The following PLXDC2 variants were observed in gnomAD, a reference collection of about 807,000 sequenced individuals.
The protein encoded by PLXDC2 is plexin domain containing 2.
PLXDC2 carries 40 observed loss-of-function variants against 68.9 expected under a neutral mutation model. That is an observed-to-expected ratio of 0.58 (90% CI 0.45 to 0.76). PLXDC2 has a LOEUF of 0.76. Among genes scored for constraint, PLXDC2 ranks in the 30% least tolerant of loss-of-function variants. The pLI is 0.00. For missense variants in PLXDC2, 644 were observed against 661.9 expected, an observed-to-expected ratio of 0.97 and a Z score of 0.30; for synonymous variants, 243 against 234.2, an observed-to-expected ratio of 1.04 and a Z score of -0.34.
chr10:20,121,062 G>A (rs901814860), intron 4 of PLXDC2, among the ~76,000 whole-genome samples: 1 of 152,210 alleles, frequency 6.6e-6, no homozygotes, highest in Non-Finnish European at 1.5e-5. Flanking sequence ...TGAAGTCCGG[G>A]CCAGGAACAA....
At chr10:20,219,285 C>T (rs990035140) in intron 12 of PLXDC2, among the ~76,000 whole-genome samples, 183 bp downstream of exon 12, 3 of 152,102 alleles carry the variant, frequency 2.0e-5, no homozygotes, top group African/African-American at 7.2e-5. Context: ...AATCCTCACC[C>T]TTGTGTTTGT....
At chr10:19,985,836 C>T (rs935632637) in intron 1 of PLXDC2, among the ~76,000 whole-genome samples, 3 of 152,186 alleles carry the variant, frequency 2.0e-5, no homozygotes, top group Non-Finnish European at 2.9e-5. Context: ...AGTGACTTTC[C>T]ACCTCCTTAG....
chr10:20,200,890 C>G (rs1336156220), intron 9 of PLXDC2, among the ~76,000 whole-genome samples: 1 of 151,980 alleles, frequency 6.6e-6, no homozygotes, highest in African/African-American at 2.4e-5. Flanking sequence ...ATGCTGCTGA[C>G]AAGGACATGG....
chr10:19,893,455 AT>A (rs1564621562), intron 1 of PLXDC2, among the ~76,000 whole-genome samples: 1 of 152,218 alleles, frequency 6.6e-6, no homozygotes, highest in Admixed American at 6.5e-5. Flanking sequence ...TGTAATGGTC[AT>A]TCTCAGTCGT....
rs557018139 is a variant in PLXDC2, at chr10:19,942,590, C to T, written c.113-59185C>T. Among the ~76,000 whole-genome samples, 7 of 152,198 alleles carry T rather than the reference C, an allele frequency of 4.6e-5. No homozygotes were observed. In the East Asian group the frequency reaches 9.7e-4, roughly 21 times the overall value. ...CCACCTTGGCCAACACGGTGAAACC[C>T]GTCTCGACCAAAAATACAAAATAAT... is the stretch of plus-strand genomic sequence containing the variant. On this transcript the variant is annotated intron_variant, in intron 1 of 13. Coordinates refer to ENST00000377252, the MANE Select transcript of PLXDC2 (RefSeq NM_032812.9).
chr10:19,934,401 A>G (rs1833690126), intron 1 of PLXDC2, among the ~76,000 whole-genome samples: 1 of 152,212 alleles, frequency 6.6e-6, no homozygotes, highest in Non-Finnish European at 1.5e-5. Context: ...CTTCCGTGTA[A>G]TGACCACATT....
At chr10:20,218,930 A>G (rs1818628587) in intron 11 of PLXDC2, 134 bp from the exon 12 acceptor site, 2 of 953,790 alleles carry the variant, frequency 2.1e-6, no homozygotes. Flanking sequence ...TTGCACTAGA[A>G]ATTACCACAA....
chr10:19,960,885 C>T (rs1834144962), intron 1 of PLXDC2, among the ~76,000 whole-genome samples: 1 of 152,074 alleles, frequency 6.6e-6, no homozygotes, highest in Non-Finnish European at 1.5e-5. Context: ...GCTTGCTGTC[C>T]CTGGAAACTA....
chr10:19,966,448 C>CACGTATATAAAAATATAT (rs1834264355), intron 1 of PLXDC2, among the ~76,000 whole-genome samples: 1 of 10,574 alleles, frequency 9.5e-5, no homozygotes, highest in African/African-American at 4.0e-4. Context: ...ATATATAAAA[C>CACGTATATAAAAATATAT]ATGTGTGTAT....
intron 12 of PLXDC2, among the ~76,000 whole-genome samples, chr10:20,219,434 G>A (rs1835182525): frequency 6.6e-6 from 1 of 152,110 alleles, no homozygotes; most frequent in Non-Finnish European, 1.5e-5. Context: ...GGGTTCAATT[G>A]TGTTTCACTA....
At chr10:20,055,569 A>G (rs1360141840) in intron 3 of PLXDC2, among the ~76,000 whole-genome samples, 1 of 151,976 alleles carries the variant, frequency 6.6e-6, no homozygotes, top group Admixed American at 6.6e-5. Flanking sequence ...GTTGCTTTTT[A>G]TTTACTCTTA....
chr10:20,236,808 T>G (rs949857), intron 12 of PLXDC2, among the ~76,000 whole-genome samples: 76,642 of 151,936 alleles, frequency 0.5, 20,157 homozygotes, highest in Middle Eastern at 0.67. Flanking sequence ...AACTTTCCCT[T>G]TAAGATATCT....
intron 5 of PLXDC2, among the ~76,000 whole-genome samples, chr10:20,144,463 A>AG (rs1413277644): frequency 6.6e-6 from 1 of 152,206 alleles, no homozygotes; most frequent in Admixed American, 6.5e-5. Context: ...CATTCACCTT[A>AG]GGAAATACAC....
chr10:19,918,941 G>T (rs1001186814), intron 1 of PLXDC2, among the ~76,000 whole-genome samples: 7 of 152,184 alleles, frequency 4.6e-5, no homozygotes, highest in African/African-American at 1.4e-4. Flanking sequence ...GTATAAATCT[G>T]CATTCCTGCA....
chr10:19,896,158 A>T (rs754764134), intron 1 of PLXDC2, among the ~76,000 whole-genome samples: 15 of 152,190 alleles, frequency 9.9e-5, no homozygotes, highest in Admixed American at 5.2e-4. Context: ...TCAGCCACCA[A>T]TCAGGCTGAG....
intron 1 of PLXDC2, among the ~76,000 whole-genome samples, chr10:19,992,704 A>C (rs550209183): frequency 6.6e-6 from 1 of 152,314 alleles, no homozygotes; most frequent in South Asian, 2.1e-4. Flanking sequence ...AGAAAACAAC[A>C]ACCAATATTA....
chr10:20,243,549 G>A (rs1256505336), intron 12 of PLXDC2, among the ~76,000 whole-genome samples: 1 of 152,052 alleles, frequency 6.6e-6, no homozygotes, highest in African/African-American at 2.4e-5. Context: ...TAGAGGGGAG[G>A]TGGAAAGAAT....
At chr10:19,935,731 G>A (rs1449981884) in intron 1 of PLXDC2, among the ~76,000 whole-genome samples, 1 of 152,218 alleles carries the variant, frequency 6.6e-6, no homozygotes, top group African/African-American at 2.4e-5. Flanking sequence ...CCAAGGAAGT[G>A]CAGCAAACCC....
chr10:19,830,291 T>A (rs1255708505), intron 1 of PLXDC2, among the ~76,000 whole-genome samples: 3 of 152,230 alleles, frequency 2.0e-5, no homozygotes, highest in Non-Finnish European at 2.9e-5. Context: ...AATCTCTTAG[T>A]ACCACACTCA....
Sources: allele counts gnomAD v4.1 joint callset (sites outside exome capture counted in the v4.1 genomes callset), GRCh38; gene constraint gnomAD v4.1.1; transcripts MANE v1.5; gene names NCBI Gene and HGNC (gene_info 2026-07-23, HGNC 2026-07-21).